The following RMDN2 variants were observed in gnomAD, a reference collection of about 807,000 sequenced individuals.
RMDN2 encodes the protein regulator of microtubule dynamics protein 2.
Under a neutral mutation model 52.8 loss-of-function variants are expected in RMDN2, and 61 were observed. That is an observed-to-expected ratio of 1.16 (90% confidence interval 0.94 to 1.43). The LOEUF (loss-of-function observed/expected upper bound fraction) is 1.43, where lower values mean the gene tolerates loss of function less well. Ranked by LOEUF, RMDN2 falls within the 40% of genes most tolerant of loss-of-function variation. RMDN2 has a pLI of 0.00. For synonymous variants in RMDN2, 180 were observed against 153.1 expected, an observed-to-expected ratio of 1.18 and a Z score of -1.30; for missense variants, 592 against 475.3, an observed-to-expected ratio of 1.25 and a Z score of -2.28.
intron 2 of RMDN2, among the ~76,000 whole-genome samples, chr2:37,955,650 G>A (rs905343988): frequency 9.2e-5 from 14 of 152,042 alleles, no homozygotes; most frequent in African/African-American, 2.9e-4. Context: ...GAGATCTGAT[G>A]GAGTTTTCAA....
chr2:38,017,933 C>T (rs754853794), downstream of RMDN2, among the ~76,000 whole-genome samples: 9 of 151,028 alleles, frequency 6.0e-5, no homozygotes, highest in Admixed American at 2.0e-4. Flanking sequence ...TGTTCTCTGC[C>T]TGGCAAGGGT....
rs1338611477 is a variant in RMDN2, at chr2:38,032,657, TG to T, written c.1713+28445del. ...GAGTTCAAGACCAGCCTGGCCAACA[TG>T]GGGAAACCCCGTTTCTACAAAAATA... On this transcript the variant is annotated intron_variant, in intron 10 of 10. Coordinates refer to the RMDN2 transcript ENST00000234195. Among the ~76,000 whole-genome samples the T allele has an allele frequency of 2.0e-5, 3 of 152,238 alleles. No individual in the cohort carries two copies. In the East Asian group the frequency reaches 5.8e-4, roughly 29 times the overall value.
chr2:38,058,400 T>A (rs1223543890), intron 10 of RMDN2, among the ~76,000 whole-genome samples: 1 of 152,060 alleles, frequency 6.6e-6, no homozygotes, highest in African/African-American at 2.4e-5. Flanking sequence ...CTTTGAACTT[T>A]AATTCCCAGC....
intron 8 of RMDN2, among the ~76,000 whole-genome samples, chr2:38,001,373 A>G (rs1676299075): frequency 1.3e-5 from 2 of 152,198 alleles, no homozygotes; most frequent in Admixed American, 1.3e-4. Flanking sequence ...TCATTGGAAC[A>G]TTACATTGAA....
intron 10 of RMDN2, among the ~76,000 whole-genome samples, chr2:38,004,619 T>A (rs1676804580): frequency 6.6e-6 from 1 of 151,868 alleles, no homozygotes; most frequent in African/African-American, 2.4e-5. Context: ...TAGACCAATA[T>A]CTCCCCATTT....
At chr2:38,031,664 T>C (rs1055339547) in intron 10 of RMDN2, among the ~76,000 whole-genome samples, 3 of 152,176 alleles carry the variant, frequency 2.0e-5, no homozygotes, top group Admixed American at 1.3e-4. Context: ...TTCACTCAAC[T>C]AAGTATTAGT....
chr2:37,939,244 A>T (rs1203306487), intron 2 of RMDN2, among the ~76,000 whole-genome samples: 1 of 152,160 alleles, frequency 6.6e-6, no homozygotes, highest in Non-Finnish European at 1.5e-5. Flanking sequence ...GTTTGATTCC[A>T]CTGTGGCCTG....
intron 10 of RMDN2, among the ~76,000 whole-genome samples, chr2:38,051,667 CT>C (rs747978828): frequency 3.9e-5 from 6 of 152,176 alleles, no homozygotes; most frequent in Non-Finnish European, 5.9e-5. Flanking sequence ...ACCAACCTCT[CT>C]TCATCCTCTC....
chr2:38,019,709 G>C (rs1679194524), downstream of RMDN2, among the ~76,000 whole-genome samples: 1 of 152,108 alleles, frequency 6.6e-6, no homozygotes, highest in Non-Finnish European at 1.5e-5. Flanking sequence ...TGAGGCGGGA[G>C]GATTCATTGA....
At chr2:37,995,355 T>TACTACTACA (rs1442382294) in intron 7 of RMDN2, among the ~76,000 whole-genome samples, 1 of 151,398 alleles carries the variant, frequency 6.6e-6, no homozygotes, top group East Asian at 1.9e-4. Context: ...CTACTACTAC[T>TACTACTACA]ACTACTACTA....
intron 10 of RMDN2, among the ~76,000 whole-genome samples, chr2:38,060,254 TTTA>T (rs1161388323): frequency 6.6e-6 from 1 of 152,052 alleles, no homozygotes; most frequent in Non-Finnish European, 1.5e-5. Flanking sequence ...CATTTTGTTT[TTTA>T]TTAACAAGGC....
rs369857820 is a variant in RMDN2, at chr2:37,977,457, T to C, written c.730+2143T>C. On this transcript the variant is annotated intron_variant, in intron 4 of 10. Coordinates refer to ENST00000354545, the MANE Select transcript of RMDN2 (RefSeq NM_001170791.3). ...CCACCTCCCAGACGGGGCGGCTGGCTGGGCGGGGGCTGCCCCCACCTCCCG... is the reference window on the plus strand; with the variant it reads ...CCACCTCCCAGACGGGGCGGCTGGCCGGGCGGGGGCTGCCCCCACCTCCCG... Among the ~76,000 whole-genome samples the C allele has an allele frequency of 9.4e-4, 133 of 141,154 alleles. 1 individual carries two copies. In the East Asian group the frequency reaches 0.025, roughly 27 times the overall value. 92.6% of individuals were successfully genotyped at this position (141,154 alleles called of 152,430 possible).
chr2:38,042,813 T>C (rs1681047831), intron 10 of RMDN2, among the ~76,000 whole-genome samples: 1 of 152,216 alleles, frequency 6.6e-6, no homozygotes, highest in Admixed American at 6.5e-5. Context: ...ATTTTCCAAT[T>C]ATCTTTCTGT....
chr2:37,974,022 T>C lies in RMDN2; in HGVS notation c.453-18T>C. The stretch of plus-strand genomic sequence containing the variant: ...ACTTAACTTTCAAAGGAGTTGATGA[T>C]TATTTCTGCGATTTTAGGTATATTA... On this transcript the variant is annotated intron_variant, in intron 2 of 10. Coordinates refer to ENST00000354545, the MANE Select transcript of RMDN2 (RefSeq NM_001170791.3). The C allele has an allele frequency of 6.3e-7, 1 of 1,591,094 alleles. No homozygotes were observed. Among genetic ancestry groups the C allele is most frequent in the African/African-American group, 1.4e-5 (1 of 73,926 alleles).
intron 10 of RMDN2, among the ~76,000 whole-genome samples, chr2:38,058,981 C>T (rs1015403200): frequency 1.3e-5 from 2 of 152,144 alleles, no homozygotes; most frequent in Admixed American, 1.3e-4. Context: ...TCTCATGATT[C>T]TTATCATAGT....
intron 10 of RMDN2, among the ~76,000 whole-genome samples, chr2:38,065,533 G>T (rs2125311985): frequency 6.6e-6 from 1 of 152,244 alleles, no homozygotes; most frequent in East Asian, 1.9e-4. Context: ...AGTTCTGGTA[G>T]GTCCAGTCAT....
At chr2:37,981,421 A>G (rs1042534107) in intron 5 of RMDN2, 78 bp downstream of exon 5, 13 of 903,284 alleles carry the variant, frequency 1.4e-5, no homozygotes, top group Admixed American at 1.9e-5. Flanking sequence ...TCAAAATACT[A>G]TTGACTCATA....
intron 10 of RMDN2, chr2:38,036,484 C>T (rs1469388454): frequency 6.6e-6 from 1 of 152,116 alleles, no homozygotes; most frequent in Non-Finnish European, 1.5e-5. Context: ...AGCAAGAGTC[C>T]ACATACCCCT....
rs571321358 is a variant in RMDN2 at position 37,964,003 on chromosome 2, C to G, written c.453-10037C>G. Among the ~76,000 whole-genome samples, 864 of 151,368 alleles carry G rather than the reference C, an allele frequency of 5.7e-3. 9 individuals are homozygous for G. Among genetic ancestry groups the G allele is most frequent in the African/African-American group, 0.02 (819 of 41,356 alleles). On this transcript the variant is annotated intron_variant, in intron 2 of 10. Transcript: ENST00000354545. The stretch of plus-strand genomic sequence containing the variant: ...CCGGGCGGGGGCTGCCCCCCACCTC[C>G]CTCCCGGACGGGGCGGCTGGCCTGG...
Sources: gnomAD v4.1 joint callset for allele counts (sites outside exome capture counted in the v4.1 genomes callset) on GRCh38, gnomAD v4.1.1 for gene constraint, MANE v1.5 for transcripts, NCBI Gene and HGNC (gene_info 2026-07-23, HGNC 2026-07-21) for gene names.